Variants in BAZ1A observed in about 807,000 individuals in gnomAD.
BAZ1A encodes bromodomain adjacent to zinc finger domain 1A.
Under a neutral mutation model 185.2 loss-of-function variants are expected in BAZ1A, and 50 were observed. That is an observed-to-expected ratio of 0.27 (90% CI 0.22 to 0.34). The LOEUF is 0.34. BAZ1A is among the 10% of genes least tolerant of loss of function. The pLI is 1.00. For missense variants in BAZ1A, 1,356 were observed against 1,839.9 expected (o/e 0.74, Z 4.81); for synonymous variants, 571 against 615.6 (o/e 0.93, Z 1.07).
rs557752266 is a variant in BAZ1A at position 34,850,414 on chromosome 14, C to G, written c.392+11630G>C. Among the ~76,000 whole-genome samples the G allele has an allele frequency of 4.6e-5, 7 of 152,232 alleles. No individual in the cohort carries two copies. The East Asian group carries it at 1.4e-3, about 29-fold the overall frequency. On this transcript the variant is annotated intron_variant, in intron 3 of 26. Coordinates refer to ENST00000360310, the MANE Select transcript of BAZ1A (RefSeq NM_013448.3). ...AACAAACAAAAAGTTCAAAGAGGAT[C>G]CCAAAACAACTTGGGACAGTTTAAC... is the stretch of plus-strand genomic sequence containing the variant.
At chr14:34,832,816 G>A (rs2042269375) in intron 3 of BAZ1A, among the ~76,000 whole-genome samples, 1 of 151,892 alleles carries the variant, frequency 6.6e-6, no homozygotes, top group South Asian at 2.1e-4. Context: ...CCACTTCCAG[G>A]TATATACCCA....
chr14:34,791,339 A>T (rs1427835535), intron 12 of BAZ1A, among the ~76,000 whole-genome samples: 1 of 152,190 alleles, frequency 6.6e-6, no homozygotes, highest in Non-Finnish European at 1.5e-5. Context: ...TTAGAATTTG[A>T]TCAATAACCC....
intron 3 of BAZ1A, among the ~76,000 whole-genome samples, chr14:34,843,138 A>G (rs2042444504): frequency 6.6e-6 from 1 of 150,954 alleles, no homozygotes; most frequent in East Asian, 1.9e-4. Context: ...AAAAAAGATG[A>G]GTCATCACAG....
intron 17 of BAZ1A, among the ~76,000 whole-genome samples, chr14:34,777,758 G>A (rs1266414082): frequency 6.6e-6 from 1 of 152,020 alleles, no homozygotes; most frequent in Non-Finnish European, 1.5e-5. Context: ...TTGGGAGGCC[G>A]AGGTGGCTGG....
chr14:34,772,671 C>T (rs752509050), intron 20 of BAZ1A, among the ~76,000 whole-genome samples: 2 of 152,130 alleles, frequency 1.3e-5, no homozygotes, highest in Non-Finnish European at 2.9e-5. Flanking sequence ...AGTGCAGTGG[C>T]ACAATCATTA....
At chr14:34,809,388 A>G (rs1163697453) in intron 5 of BAZ1A, among the ~76,000 whole-genome samples, 1 of 152,228 alleles carries the variant, frequency 6.6e-6, no homozygotes, top group Non-Finnish European at 1.5e-5. Flanking sequence ...TTTATAAATA[A>G]AATTAAAAAC....
chr14:34,852,775 T>C (rs1306288438), intron 3 of BAZ1A, among the ~76,000 whole-genome samples: 1 of 152,206 alleles, frequency 6.6e-6, no homozygotes, highest in Non-Finnish European at 1.5e-5. Context: ...GGCGGGGGGT[T>C]CATTTAATAC....
At chr14:34,758,867 T>C in intron 24 of BAZ1A, 21 bp from the exon 25 acceptor site, 1 of 1,609,454 alleles carries the variant, frequency 6.2e-7, no homozygotes, top group African/African-American at 1.3e-5. Context: ...AATTACAACA[T>C]TTTAGGTGAT....
chr14:34,760,296 AGATAAG>A (rs1886465683), intron 24 of BAZ1A, among the ~76,000 whole-genome samples: 1 of 152,210 alleles, frequency 6.6e-6, no homozygotes, highest in African/African-American at 2.4e-5. Flanking sequence ...AAAGCAAAAC[AGATAAG>A]TGGATAGGAA....
intron 20 of BAZ1A, 32 bp from the exon 21 acceptor site, chr14:34,771,691 C>G (rs748134049): frequency 2.6e-5 from 41 of 1,594,568 alleles, no homozygotes; most frequent in Non-Finnish European, 3.4e-5. Flanking sequence ...GTTTATGGTA[C>G]TTAAAAACAC....
chr14:34,874,443 G>C lies in BAZ1A; in HGVS notation c.113+49C>G. On this transcript the variant is annotated intron_variant, in intron 2 of 26. Coordinates refer to ENST00000360310, the MANE Select transcript of BAZ1A (RefSeq NM_013448.3). The surrounding 1 kb of genome is among the most constrained non-coding windows in gnomAD (Gnocchi z 4.7). ...AGGAGAGAGACAAAAGAGCGCTGCG[G>C]GGGGAGTCCCCACACCCCCCGCGGC... 2.7e-6 allele frequency: 4 copies of C among 1,498,862 alleles called. No individual in the cohort carries two copies. The highest frequency in any genetic ancestry group is 1.7e-4 in the Middle Eastern group (1 of 5,816). 92.8% of individuals were successfully genotyped at this position (1,498,862 alleles called of 1,614,324 possible).
rs758360235 is a variant in BAZ1A, at chr14:34,810,918, A to T, written c.638+17T>A. 5.2e-6 allele frequency: 8 copies of T among 1,524,726 alleles called. No individual in the cohort carries two copies. The East Asian group carries it at 1.8e-4, about 34-fold the overall frequency. The allele number at this position is 1,524,726 out of a possible 1,614,324, so 94.4% of individuals were successfully genotyped here. ...TATTCTACTTTAAACTACTATTGAG[A>T]AGATAGTGAGTTTTACCTGATTTGT... On this transcript the variant is annotated intron_variant, in intron 5 of 26. Coordinates refer to ENST00000360310, the MANE Select transcript of BAZ1A (RefSeq NM_013448.3).
intron 4 of BAZ1A, among the ~76,000 whole-genome samples, chr14:34,812,648 C>T (rs2041946641): frequency 6.6e-6 from 1 of 152,086 alleles, no homozygotes; most frequent in Admixed American, 6.5e-5. Context: ...CTGAAAATGC[C>T]ACCTCTGTGA....
At chr14:34,755,874 G>A (rs1886218004) in intron 25 of BAZ1A, among the ~76,000 whole-genome samples, 1 of 149,972 alleles carries the variant, frequency 6.7e-6, no homozygotes, top group Non-Finnish European at 1.5e-5. Flanking sequence ...AGGCTGGAGC[G>A]TAGTGGTGTT....
intron 1 of BAZ1A, 111 bp downstream of exon 1, chr14:34,875,027 C>G (rs1326718553): frequency 4.8e-6 from 1 of 208,580 alleles, no homozygotes; most frequent in Non-Finnish European, 9.8e-6. Context: ...GGCCGGCCAG[C>G]CCAACGCCGC....
intron 20 of BAZ1A, among the ~76,000 whole-genome samples, chr14:34,772,536 T>A (rs1328610593): frequency 6.6e-6 from 1 of 152,210 alleles, no homozygotes; most frequent in African/African-American, 2.4e-5. Flanking sequence ...TAAAGGCATA[T>A]AATATCCAAA....
In BAZ1A at chr14:34,832,215, C is replaced by CATATATATATATATATATAT. The variant is rs796421959; in HGVS notation, c.393-6060_393-6059insATATATATATATATATATAT. On this transcript the variant is annotated intron_variant, in intron 3 of 26. Transcript: ENST00000360310. Reference sequence around the variant, plus strand: ...ATACACACACACACACACACACACACATATATATATATATATGTATGTATG... The same window carrying CATATATATATATATATATAT: ...ATACACACACACACACACACACACACATATATATATATATATATATATATATATATATATATGTATGTATG... Among the ~76,000 whole-genome samples the CATATATATATATATATATAT allele has an allele frequency of 1.5e-3, 138 of 89,606 alleles. 3 individuals carry two copies. The highest frequency in any genetic ancestry group is 0.012 in the Middle Eastern group (2 of 172). The allele number at this position is 89,606 out of a possible 152,430, so 58.8% of individuals were successfully genotyped here.
chr14:34,788,119 A>C (rs1347424734), intron 12 of BAZ1A, among the ~76,000 whole-genome samples: 1 of 151,856 alleles, frequency 6.6e-6, no homozygotes, highest in Non-Finnish European at 1.5e-5. Flanking sequence ...CCCAGGTTTA[A>C]GCAATTCTCT....
intron 3 of BAZ1A, among the ~76,000 whole-genome samples, chr14:34,832,207 C>CATATATATATATATATATATATATATAT (rs2042254467): frequency 1.5e-5 from 1 of 67,534 alleles, no homozygotes; most frequent in Admixed American, 1.8e-4. Context: ...CACACACACA[C>CATATATATATATATATATATATATATAT]ACACACACAT....
Sources: gnomAD v4.1 joint callset for allele counts (sites outside exome capture counted in the v4.1 genomes callset) on GRCh38, gnomAD v4.1.1 for gene constraint, Gnocchi (gnomAD v3.1) non-coding constraint, MANE v1.5 for transcripts, NCBI Gene and HGNC (gene_info 2026-07-23, HGNC 2026-07-21) for gene names.